Variants in CACHD1 observed in about 807,000 individuals in gnomAD.
CACHD1 encodes VWFA and cache domain-containing protein 1.
CACHD1 carries 71 observed loss-of-function variants against 138.7 expected under a neutral mutation model. The ratio of observed to expected loss-of-function variants is 0.51; its 90% CI spans 0.42 to 0.62. CACHD1 has a LOEUF of 0.62. CACHD1 is among the 20% of genes least tolerant of loss of function. The probability of loss-of-function intolerance (pLI) is 0.00; values close to 1 mark genes in which losing one functional copy is unlikely to be tolerated. For missense variants in CACHD1, 1,389 were observed against 1,625.3 expected (o/e 0.85, Z 2.50); for synonymous variants, 578 against 591.5 (o/e 0.98, Z 0.33).
intron 1 of CACHD1, among the ~76,000 whole-genome samples, chr1:64,537,144 C>A (rs1003940554): frequency 1.3e-5 from 2 of 152,108 alleles, no homozygotes; most frequent in South Asian, 4.1e-4. Context: ...GGGCTTTAAT[C>A]TTTTTTGACT....
Position 64,616,226 on chromosome 1 carries a change from T to TA in CACHD1, c.518-13128dup, listed in dbSNP as rs531456774. Among the ~76,000 whole-genome samples the TA allele has an allele frequency of 2.6e-5, 4 of 152,302 alleles. No individual in the cohort carries two copies. In the East Asian group the frequency reaches 5.8e-4, roughly 22 times the overall value. On this transcript the variant is annotated intron_variant, in intron 4 of 26. Transcript: ENST00000651257. The stretch of plus-strand genomic sequence containing the variant: ...TTAACAGCAGCTTCATTTTACTAGT[T>TA]ACCTAATCTTGAGACCCAGAATAAG...
chr1:64,654,821 G>T lies in CACHD1; in HGVS notation c.1782+18G>T, dbSNP rs1649212246. ...GGAAGATGGTGAGTGAGAGGAAGTT[G>T]TGTTTGCTTGAAGAGCTACAGGGTA... is the stretch of plus-strand genomic sequence containing the variant. On this transcript the variant is annotated intron_variant, in intron 12 of 26. Transcript: ENST00000651257. 2 of 1,567,552 alleles carry T rather than the reference G, an allele frequency of 1.3e-6. No homozygotes were observed. The highest frequency in any genetic ancestry group is 1.8e-6 in the Non-Finnish European group (2 of 1,138,226).
intron 1 of CACHD1, among the ~76,000 whole-genome samples, chr1:64,512,981 C>T (rs1646433807): frequency 6.6e-6 from 1 of 152,192 alleles, no homozygotes; most frequent in Non-Finnish European, 1.5e-5. Flanking sequence ...CATCCTTGTT[C>T]TGTTTTTCCA....
intron 1 of CACHD1, among the ~76,000 whole-genome samples, chr1:64,521,271 G>A (rs1354843060): frequency 6.6e-6 from 1 of 152,166 alleles, no homozygotes; most frequent in Non-Finnish European, 1.5e-5. Context: ...TTGCCCTGTG[G>A]CTACCATAGA....
chr1:64,663,607 C>A, intron 13 of CACHD1, 88 bp from the exon 14 acceptor site: 1 of 1,431,488 alleles, frequency 7.0e-7, no homozygotes, highest in South Asian at 1.3e-5. Flanking sequence ...CCATAGCTGA[C>A]AGATTGGCAG....
intron 1 of CACHD1, among the ~76,000 whole-genome samples, chr1:64,530,544 T>C (rs763677745): frequency 3.0e-4 from 46 of 152,066 alleles, no homozygotes; most frequent in Non-Finnish European, 5.1e-4. Flanking sequence ...TGGCCATTAT[T>C]AACGAGCTGA....
At chr1:64,635,965 G>A (rs904254324) in intron 7 of CACHD1, among the ~76,000 whole-genome samples, 3 of 151,850 alleles carry the variant, frequency 2.0e-5, no homozygotes, top group Non-Finnish European at 4.4e-5. Flanking sequence ...CAAAAATATA[G>A]CTGGACATGG....
chr1:64,579,413 A>G (rs1467225942), intron 2 of CACHD1, among the ~76,000 whole-genome samples: 1 of 152,188 alleles, frequency 6.6e-6, no homozygotes, highest in Non-Finnish European at 1.5e-5. Context: ...AGAGAAGGAC[A>G]TATGACTACA....
intron 16 of CACHD1, among the ~76,000 whole-genome samples, chr1:64,668,879 G>A (rs1211791258): frequency 1.3e-5 from 2 of 152,136 alleles, no homozygotes; most frequent in Non-Finnish European, 2.9e-5. Flanking sequence ...CTTTGCAAAG[G>A]TATTTTTTTC....
intron 1 of CACHD1, among the ~76,000 whole-genome samples, chr1:64,546,889 T>G (rs1441184798): frequency 1.3e-5 from 2 of 152,164 alleles, no homozygotes; most frequent in Non-Finnish European, 2.9e-5. Context: ...CCCTGGACAA[T>G]ATATCTTGCT....
chr1:64,548,026 A>G (rs1346216530), intron 1 of CACHD1, among the ~76,000 whole-genome samples: 1 of 152,242 alleles, frequency 6.6e-6, no homozygotes, highest in African/African-American at 2.4e-5. Context: ...CTTATGTCAT[A>G]AAAAGATCTA....
intron 1 of CACHD1, among the ~76,000 whole-genome samples, chr1:64,530,873 A>G (rs1646577928): frequency 6.6e-6 from 1 of 151,178 alleles, no homozygotes; most frequent in South Asian, 2.1e-4. Context: ...TCTGTCTAAA[A>G]AAAAAAAAAG....
chr1:64,570,520 A>G (rs1401880868), intron 2 of CACHD1, among the ~76,000 whole-genome samples: 1 of 152,118 alleles, frequency 6.6e-6, no homozygotes, highest in East Asian at 1.9e-4. Context: ...CTCTAAAGGA[A>G]GGTGTTAGCG....
intron 4 of CACHD1, among the ~76,000 whole-genome samples, chr1:64,608,958 TTAAAGAGCATTTGAAGTCG>T (rs1647430633): frequency 6.6e-6 from 1 of 152,210 alleles, no homozygotes; most frequent in African/African-American, 2.4e-5. Flanking sequence ...GCGTTTGATT[TTAAAGAGCATTTGAAGTCG>T]CAAACTTCGA....
intron 3 of CACHD1, among the ~76,000 whole-genome samples, chr1:64,588,229 TG>T (rs1456791030): frequency 6.6e-6 from 1 of 152,202 alleles, no homozygotes; most frequent in Admixed American, 6.5e-5. Context: ...TTCCCTGTTA[TG>T]CCAACTTAAA....
chr1:64,666,025 A>G (rs770086629), intron 15 of CACHD1, 32 bp from the exon 16 acceptor site: 12 of 1,291,028 alleles, frequency 9.3e-6, no homozygotes, highest in Middle Eastern at 1.9e-4. Flanking sequence ...AATAAAAAAT[A>G]AAATAACATG....
At chr1:64,573,986 T>C (rs1447118732) in intron 2 of CACHD1, among the ~76,000 whole-genome samples, 1 of 152,076 alleles carries the variant, frequency 6.6e-6, no homozygotes, top group South Asian at 2.1e-4. Flanking sequence ...ACAAGAACAG[T>C]GTGAAGCAGA....
chr1:64,622,157 C>T (rs1422819237), intron 4 of CACHD1, among the ~76,000 whole-genome samples: 1 of 152,186 alleles, frequency 6.6e-6, no homozygotes, highest in African/African-American at 2.4e-5. Context: ...CCACCTAAGG[C>T]TCATGTCTCT....
At chr1:64,571,416 CAA>C (rs1395685808) in intron 2 of CACHD1, among the ~76,000 whole-genome samples, 1 of 152,086 alleles carries the variant, frequency 6.6e-6, no homozygotes, top group Admixed American at 6.5e-5. Flanking sequence ...TAAAATGGCA[CAA>C]TGATATATTT....
Sources: gnomAD v4.1 joint callset for allele counts (sites outside exome capture counted in the v4.1 genomes callset) on GRCh38, gnomAD v4.1.1 for gene constraint, MANE v1.5 for transcripts, NCBI Gene and HGNC (gene_info 2026-07-23, HGNC 2026-07-21) for gene names.